The following ACOXL variants were observed in gnomAD, a reference collection of about 807,000 sequenced individuals.
The protein encoded by ACOXL is acyl-coenzyme A oxidase-like protein.
Under a neutral mutation model 71.9 loss-of-function variants are expected in ACOXL, and 70 were observed. That is an observed-to-expected ratio of 0.97 (90% CI 0.80 to 1.19). The LOEUF (loss-of-function observed/expected upper bound fraction) is 1.19, where lower values mean the gene tolerates loss of function less well. Among genes scored for constraint, ACOXL ranks in the 50% most tolerant of loss-of-function variants. The probability of loss-of-function intolerance (pLI) is 0.00; values close to 1 mark genes in which losing one functional copy is unlikely to be tolerated. For missense variants in ACOXL, 703 were observed against 736.3 expected (o/e 0.95, Z 0.52); for synonymous variants, 253 against 281.6 (o/e 0.90, Z 1.02).
chr2:110,814,231 G>A (rs1573644296), intron 9 of ACOXL, among the ~76,000 whole-genome samples: 1 of 152,306 alleles, frequency 6.6e-6, no homozygotes, highest in East Asian at 1.9e-4. Flanking sequence ...TCTCCACTGT[G>A]ACCTGAGGCC....
intron 14 of ACOXL, among the ~76,000 whole-genome samples, chr2:111,003,173 T>C (rs1433437383): frequency 6.6e-6 from 1 of 152,156 alleles, no homozygotes; most frequent in Non-Finnish European, 1.5e-5. Context: ...GAAGAAAACA[T>C]TTACACACAC....
At chr2:110,953,712 C>T (rs1341365842) in intron 12 of ACOXL, among the ~76,000 whole-genome samples, 1 of 152,140 alleles carries the variant, frequency 6.6e-6, no homozygotes, top group Non-Finnish European at 1.5e-5. Context: ...GCTTAATTAA[C>T]TCACAGTTCC....
intron 9 of ACOXL, among the ~76,000 whole-genome samples, chr2:110,816,384 G>A (rs1687920247): frequency 6.6e-6 from 1 of 152,142 alleles, no homozygotes; most frequent in African/African-American, 2.4e-5. Context: ...GTCATCTGGT[G>A]GCATTTAAAT....
rs146985633 is a variant in ACOXL, at chr2:110,973,292, A to C, written c.1060-13816A>C. 2.6e-3 allele frequency among the ~76,000 whole-genome samples: 397 copies of C among 152,356 alleles called. 3 individuals carry two copies. The highest frequency in any genetic ancestry group is 8.9e-3 in the African/African-American group (371 of 41,584). ...ATGCAAAGCATGGAATGAAATTGAC[A>C]GGCCAACCTGCTACAGCCTGAATGT... is the stretch of plus-strand genomic sequence containing the variant. On this transcript the variant is annotated intron_variant, in intron 12 of 17. Transcript: ENST00000439055.
chr2:110,810,616 T>C (rs1451581964), intron 9 of ACOXL, among the ~76,000 whole-genome samples: 4 of 151,914 alleles, frequency 2.6e-5, no homozygotes, highest in African/African-American at 9.7e-5. Context: ...CATCTGTTCA[T>C]CCATCCATCA....
intron 1 of ACOXL, among the ~76,000 whole-genome samples, chr2:110,747,060 T>C (rs1342527771): frequency 6.6e-6 from 1 of 152,082 alleles, no homozygotes; most frequent in Non-Finnish European, 1.5e-5. Flanking sequence ...AATCAGTTGG[T>C]GACATCCAGG....
intron 14 of ACOXL, among the ~76,000 whole-genome samples, chr2:111,031,156 C>G (rs1279804126): frequency 6.6e-6 from 1 of 152,182 alleles, no homozygotes; most frequent in Non-Finnish European, 1.5e-5. Flanking sequence ...AACATGGCAG[C>G]TAGTCAGTGC....
chr2:110,920,159 G>T (rs1020980315), intron 11 of ACOXL, among the ~76,000 whole-genome samples: 2 of 152,184 alleles, frequency 1.3e-5, no homozygotes, highest in Non-Finnish European at 2.9e-5. Context: ...TTCCAAAGTG[G>T]TTGTATCATT....
chr2:110,889,047 G>C (rs887015559), intron 10 of ACOXL, among the ~76,000 whole-genome samples: 15 of 152,328 alleles, frequency 9.8e-5, no homozygotes, highest in East Asian at 3.9e-4. Flanking sequence ...AATACCTTCT[G>C]CATGGAGTGT....
chr2:110,986,707 C>T (rs1162642784), intron 12 of ACOXL, among the ~76,000 whole-genome samples: 1 of 152,186 alleles, frequency 6.6e-6, no homozygotes, highest in Non-Finnish European at 1.5e-5. Context: ...TTTATTTGTG[C>T]ATTTCAATAC....
At chr2:110,794,200 G>A (rs1007138703) in intron 5 of ACOXL, 26 bp downstream of exon 5, 26 of 1,601,262 alleles carry the variant, frequency 1.6e-5, no homozygotes, top group African/African-American at 8.0e-5. Flanking sequence ...TTCTCCTGCC[G>A]TGCAGGGGAG....
intron 11 of ACOXL, among the ~76,000 whole-genome samples, chr2:110,913,677 G>A (rs978434957): frequency 1.3e-5 from 2 of 152,128 alleles, no homozygotes; most frequent in Non-Finnish European, 1.5e-5. Flanking sequence ...GAAGAAAAGA[G>A]GTTTAGTTGG....
intron 12 of ACOXL, among the ~76,000 whole-genome samples, chr2:110,944,375 T>G (rs964048917): frequency 2.0e-5 from 3 of 152,000 alleles, no homozygotes; most frequent in Admixed American, 2.0e-4. Flanking sequence ...TTATTCTAGG[T>G]TCAGGGTTAC....
intron 11 of ACOXL, among the ~76,000 whole-genome samples, chr2:110,929,032 C>G (rs2149324952): frequency 6.6e-6 from 1 of 152,194 alleles, no homozygotes; most frequent in South Asian, 2.1e-4. Context: ...ATGAAACGGA[C>G]TAATAGAGTA....
chr2:110,936,938 C>T (rs2060686991), intron 12 of ACOXL, among the ~76,000 whole-genome samples: 1 of 152,044 alleles, frequency 6.6e-6, no homozygotes, highest in African/African-American at 2.4e-5. Context: ...ACCTCCGCCT[C>T]CTGGGTTCAA....
intron 10 of ACOXL, chr2:110,887,313 C>G (rs1697416239): frequency 6.5e-6 from 1 of 154,602 alleles, no homozygotes; most frequent in African/African-American, 2.4e-5. Context: ...TCCCACCTTT[C>G]AATGGGAACA....
At chr2:110,987,279 T>C (rs567129359) in intron 13 of ACOXL, 62 bp downstream of exon 13, 129 of 1,446,576 alleles carry the variant, frequency 8.9e-5, no homozygotes, top group Non-Finnish European at 1.2e-4. Flanking sequence ...CCTGAGTTCA[T>C]ACAGCCTTGG....
At chr2:111,105,479 T>G (rs1017993304) in intron 17 of ACOXL, among the ~76,000 whole-genome samples, 4 of 81,844 alleles carry the variant, frequency 4.9e-5, no homozygotes, top group Non-Finnish European at 1.1e-4. Context: ...GTCTCTCTAC[T>G]TATAGAGATC....
At chr2:111,049,872 C>T (rs765717779) in intron 16 of ACOXL, among the ~76,000 whole-genome samples, 16 of 130,862 alleles carry the variant, frequency 1.2e-4, no homozygotes, top group Non-Finnish European at 2.2e-4. Flanking sequence ...AATGGTATAA[C>T]CTGCACTTAG....
Sources: gnomAD v4.1 joint callset for allele counts (sites outside exome capture counted in the v4.1 genomes callset) on GRCh38, gnomAD v4.1.1 for gene constraint, MANE v1.5 for transcripts, NCBI Gene and HGNC (gene_info 2026-07-23, HGNC 2026-07-21) for gene names.